NFX1: variants seen among roughly 807,000 people sequenced by gnomAD.
The protein encoded by NFX1 is nuclear transcription factor, X-box binding 1.
In NFX1, 69 loss-of-function variants were observed where a neutral mutation model predicts 137.2. The observed-to-expected ratio is 0.50, with a 90% confidence interval of 0.41 to 0.61. NFX1 has a LOEUF of 0.61. NFX1 is among the 20% of genes least tolerant of loss of function. The pLI is 0.00. For missense variants in NFX1, 1,167 were observed against 1,391.0 expected (o/e 0.84, Z 2.56); for synonymous variants, 495 against 474.1 (o/e 1.04, Z -0.57).
intron 10 of NFX1, among the ~76,000 whole-genome samples, chr9:33,331,978 TC>T (rs1186590614): frequency 6.6e-6 from 1 of 152,230 alleles, no homozygotes; most frequent in African/African-American, 2.4e-5. Context: ...AAACCAAAGA[TC>T]CTGCTTTATT....
intron 7 of NFX1, among the ~76,000 whole-genome samples, chr9:33,317,749 G>A (rs1288596507): frequency 6.6e-6 from 1 of 151,898 alleles, no homozygotes; most frequent in East Asian, 1.9e-4. Context: ...GCTGAGGCAG[G>A]TGGATCACCT....
At chr9:33,294,351 C>T in intron 1 of NFX1, 69 bp from the exon 2 acceptor site, 2 of 1,383,422 alleles carry the variant, frequency 1.4e-6, no homozygotes, top group Non-Finnish European at 2.0e-6. Context: ...TTAGATTTGG[C>T]TTGGAGTCTA....
intron 4 of NFX1, among the ~76,000 whole-genome samples, chr9:33,306,409 T>C (rs1166058056): frequency 2.6e-5 from 4 of 152,206 alleles, no homozygotes; most frequent in African/African-American, 4.8e-5. Flanking sequence ...TTTGGACATA[T>C]GGGTCTGAAA....
chr9:33,369,734 G>A (rs181250490), intron 23 of NFX1, among the ~76,000 whole-genome samples, 172 bp from the exon 24 acceptor site: 1 of 151,944 alleles, frequency 6.6e-6, no homozygotes, highest in Non-Finnish European at 1.5e-5. Flanking sequence ...AAACACAAAA[G>A]TTAAAAAAAT....
intron 10 of NFX1, among the ~76,000 whole-genome samples, chr9:33,331,569 A>G (rs1201624620): frequency 1.3e-5 from 2 of 152,202 alleles, no homozygotes; most frequent in African/African-American, 4.8e-5. Flanking sequence ...TGTAGAGAGC[A>G]TATAGGGAAC....
chr9:33,318,630 T>A (rs909886572), intron 7 of NFX1, 101 bp from the exon 8 acceptor site: 8 of 1,090,660 alleles, frequency 7.3e-6, no homozygotes, highest in African/African-American at 3.1e-5. Context: ...CATGAGCGAC[T>A]GTGCCAGGCC....
At chr9:33,312,608 C>T (rs1410223847) in intron 6 of NFX1, among the ~76,000 whole-genome samples, 9 of 152,228 alleles carry the variant, frequency 5.9e-5, no homozygotes, top group Non-Finnish European at 1.0e-4. Context: ...CAGTGGCCCA[C>T]GCCTGTAATC....
chr9:33,344,305 G>C, intron 14 of NFX1, 117 bp downstream of exon 14: 1 of 1,410,766 alleles, frequency 7.1e-7, no homozygotes, highest in South Asian at 1.2e-5. Flanking sequence ...CCTTGCTCCC[G>C]GCTCAGGGGC....
intron 21 of NFX1, 66 bp from the exon 22 acceptor site, chr9:33,366,563 G>C: frequency 2.5e-6 from 4 of 1,577,594 alleles, no homozygotes; most frequent in Non-Finnish European, 3.5e-6. Flanking sequence ...TGTGTGGTAA[G>C]ATTAGTTGTA....
intron 6 of NFX1, among the ~76,000 whole-genome samples, chr9:33,311,622 G>A (rs544002544): frequency 2.6e-5 from 4 of 151,730 alleles, no homozygotes; most frequent in African/African-American, 7.3e-5. Flanking sequence ...GTGCGATCTC[G>A]GCTCACTGCA....
At chr9:33,367,744 C>T (rs917554690) in intron 23 of NFX1, 125 bp downstream of exon 23, 55 of 785,020 alleles carry the variant, frequency 7.0e-5, no homozygotes, top group African/African-American at 1.2e-4. Flanking sequence ...GTACCATGTT[C>T]AAATATGTAA....
At chr9:33,300,270 G>A (rs889722984) in intron 2 of NFX1, among the ~76,000 whole-genome samples, 13 of 151,620 alleles carry the variant, frequency 8.6e-5, no homozygotes, top group Admixed American at 5.3e-4. Context: ...TCACCATGTT[G>A]GCCAGGATGG....
chr9:33,305,343 A>G lies in NFX1; in HGVS notation c.1271-1851A>G, dbSNP rs1160045825. On this transcript the variant is annotated intron_variant, in intron 4 of 23. Coordinates refer to ENST00000379540, the MANE Select transcript of NFX1 (RefSeq NM_002504.6). ...TCTTTGTAGGCAGAAAGATATGTTG[A>G]AGGGAATAGCATAGGCAGTTCAAAA... Among the ~76,000 whole-genome samples, 8 of 152,354 alleles carry G rather than the reference A, an allele frequency of 5.3e-5. No individual in the cohort carries two copies. In the East Asian group the frequency reaches 1.5e-3, roughly 29 times the overall value.
intron 15 of NFX1, among the ~76,000 whole-genome samples, chr9:33,349,009 C>A (rs1203694335): frequency 6.6e-6 from 1 of 152,236 alleles, no homozygotes; most frequent in Non-Finnish European, 1.5e-5. Context: ...TATATTCCTC[C>A]ACTGATTTCC....
At chr9:33,366,383 T>C (rs1824169988) in intron 21 of NFX1, among the ~76,000 whole-genome samples, 1 of 152,208 alleles carries the variant, frequency 6.6e-6, no homozygotes. Flanking sequence ...GCAGTTCACT[T>C]ACCCTTTGTC....
At chr9:33,355,900 C>T (rs1277257313) in intron 19 of NFX1, among the ~76,000 whole-genome samples, 1 of 152,178 alleles carries the variant, frequency 6.6e-6, no homozygotes, top group African/African-American at 2.4e-5. Context: ...CTGCCTCGAC[C>T]TCCCAAAGTG....
At chr9:33,307,940 A>T (rs1028930231) in intron 5 of NFX1, among the ~76,000 whole-genome samples, 15 of 151,304 alleles carry the variant, frequency 9.9e-5, no homozygotes, top group South Asian at 2.1e-4. Context: ...AGTAGCTGGG[A>T]CTACAGGCGT....
In NFX1 at chr9:33,319,174, G is replaced by A. The variant is rs201923459; in HGVS notation, c.1906+47G>A. ...GGCTTTAAAAATATTATTGTAAATG[G>A]TTGGCAGCAGTGAGTGTTTAAGCAA... is the stretch of plus-strand genomic sequence containing the variant. On this transcript the variant is annotated intron_variant, in intron 9 of 23. Transcript: ENST00000379540. 466 of 1,522,228 alleles carry A rather than the reference G, an allele frequency of 3.1e-4. 1 individual carries two copies. Among genetic ancestry groups the A allele is most frequent in the Non-Finnish European group, 4.1e-4 (448 of 1,100,372 alleles). 94.3% of individuals were successfully genotyped at this position (1,522,228 alleles called of 1,614,324 possible).
chr9:33,293,373 TGTGTGTTTCAGATCCTCTGTAGTC>T, intron 1 of NFX1, among the ~76,000 whole-genome samples: 1 of 152,354 alleles, frequency 6.6e-6, no homozygotes, highest in African/African-American at 2.4e-5. Flanking sequence ...TGCTCAAGCC[TGTGTGTTTCAGATCCTCTGTAGTC>T]CTAACAGCAA....
Sources: gnomAD v4.1 joint callset for allele counts (sites outside exome capture counted in the v4.1 genomes callset) on GRCh38, gnomAD v4.1.1 for gene constraint, MANE v1.5 for transcripts, NCBI Gene and HGNC (gene_info 2026-07-23, HGNC 2026-07-21) for gene names.